Variants in CNTLN observed in about 807,000 individuals in gnomAD.
CNTLN encodes the protein centlein.
In CNTLN, 212 loss-of-function variants were observed where a neutral mutation model predicts 180.0. The observed-to-expected ratio is 1.18, with a 90% CI of 1.05 to 1.32. The LOEUF (loss-of-function observed/expected upper bound fraction) is 1.32, where lower values mean the gene tolerates loss of function less well. Ranked by LOEUF, CNTLN falls within the 40% of genes most tolerant of loss-of-function variation. The pLI, the probability that CNTLN is intolerant of heterozygous loss-of-function variation, is 0.00. For synonymous variants in CNTLN, 722 were observed against 563.1 expected (o/e 1.28, Z -3.99); for missense variants, 2,095 against 1,610.9 (o/e 1.30, Z -5.14).
At chr9:17,244,580 G>A (rs1194400452) in intron 5 of CNTLN, among the ~76,000 whole-genome samples, 1 of 151,962 alleles carries the variant, frequency 6.6e-6, no homozygotes, top group East Asian at 1.9e-4. Flanking sequence ...TATATACGTG[G>A]AGAGTTTGGT....
chr9:17,267,342 T>C lies in CNTLN; in HGVS notation c.850-6391T>C, dbSNP rs1335622803. Among the ~76,000 whole-genome samples, 3 of 152,186 alleles carry C rather than the reference T, an allele frequency of 2.0e-5. No individual in the cohort carries two copies. The East Asian group carries it at 5.8e-4, about 29-fold the overall frequency. On this transcript the variant is annotated intron_variant, in intron 5 of 25. Transcript: ENST00000380647. ...TGAAATTCTGGGTTGAAAATTATTT[T>C]TTTTAAGAATGTTGAATATAGGCCC...
chr9:17,209,672 G>C (rs928934448), intron 2 of CNTLN, among the ~76,000 whole-genome samples: 12 of 152,108 alleles, frequency 7.9e-5, no homozygotes, highest in Non-Finnish European at 1.3e-4. Flanking sequence ...TGTATAATGA[G>C]CTTGTCTCTT....
At position 17,304,514 on chromosome 9, in the gene CNTLN, G is replaced by C. The variant is rs560725777; in HGVS notation, c.1147-4544G>C. The stretch of plus-strand genomic sequence containing the variant: ...CAATATTACTCAAACTATTAACTAG[G>C]AAAATAAGGAGTTAGCATATTAAAT... On this transcript the variant is annotated intron_variant, in intron 7 of 25. Coordinates refer to ENST00000380647, the MANE Select transcript of CNTLN (RefSeq NM_017738.4). Among the ~76,000 whole-genome samples the C allele has an allele frequency of 1.1e-4, 17 of 152,094 alleles. No homozygotes were observed. In the East Asian group the frequency reaches 2.3e-3, roughly 21 times the overall value.
At chr9:17,495,006 G>T in intron 25 of CNTLN, 1 of 435,382 alleles carries the variant, frequency 2.3e-6, no homozygotes, top group Non-Finnish European at 4.5e-6. Context: ...AGCCTCCTGA[G>T]TAGCTGGGAC....
At chr9:17,446,562 A>G (rs1002416137) in intron 18 of CNTLN, among the ~76,000 whole-genome samples, 2 of 152,270 alleles carry the variant, frequency 1.3e-5, no homozygotes, top group South Asian at 4.1e-4. Flanking sequence ...GTTTATATTC[A>G]TACTTTTCAG....
At chr9:17,333,701 A>G (rs1820794467) in intron 10 of CNTLN, among the ~76,000 whole-genome samples, 5 of 151,584 alleles carry the variant, frequency 3.3e-5, no homozygotes, top group Admixed American at 2.6e-4. Flanking sequence ...ATTCAGAGTT[A>G]AACTGCTCTA....
In CNTLN at chr9:17,470,020, A is replaced by G. The variant is rs1831969800; in HGVS notation, c.3855+3129A>G. On this transcript the variant is annotated intron_variant, in intron 23 of 25. Transcript: ENST00000380647. Reference sequence around the variant, plus strand: ...TCAACTATTATTATCAGTAGTAGTAATAGCAGTAGTAGTATGGCTCTGACT... The same window carrying G: ...TCAACTATTATTATCAGTAGTAGTAGTAGCAGTAGTAGTATGGCTCTGACT... Among the ~76,000 whole-genome samples, 5 of 152,064 alleles carry G rather than the reference A, an allele frequency of 3.3e-5. No individual in the cohort carries two copies. In the South Asian group the frequency reaches 1.0e-3, roughly 31 times the overall value.
intron 19 of CNTLN, among the ~76,000 whole-genome samples, chr9:17,461,079 T>G (rs1831417547): frequency 1.3e-5 from 2 of 151,574 alleles, no homozygotes; most frequent in South Asian, 4.1e-4. Flanking sequence ...AAGTAGACGT[T>G]TATATCACAG....
chr9:17,452,973 A>C (rs930191771), intron 18 of CNTLN, among the ~76,000 whole-genome samples: 21 of 152,210 alleles, frequency 1.4e-4, no homozygotes, highest in African/African-American at 5.1e-4. Flanking sequence ...TCTAGCATAG[A>C]AAATGGAACA....
chr9:17,257,906 A>T, intron 5 of CNTLN, among the ~76,000 whole-genome samples: 1 of 135,112 alleles, frequency 7.4e-6, no homozygotes, highest in South Asian at 2.7e-4. Flanking sequence ...GGTTGCAAAA[A>T]TTTTCTCCCA....
the CNTLN span, among the ~76,000 whole-genome samples, chr9:17,512,793 G>A: frequency 1.3e-5 from 2 of 152,106 alleles, no homozygotes; most frequent in African/African-American, 2.4e-5. Context: ...GAGACACACA[G>A]GACTTTTATA....
At chr9:17,355,795 T>G (rs1403178700) in intron 12 of CNTLN, among the ~76,000 whole-genome samples, 1 of 152,196 alleles carries the variant, frequency 6.6e-6, no homozygotes, top group Non-Finnish European at 1.5e-5. Flanking sequence ...CTGGGCGCAG[T>G]GGCTCACGCC....
chr9:17,379,396 C>G (rs566544440), intron 13 of CNTLN, among the ~76,000 whole-genome samples: 11 of 150,970 alleles, frequency 7.3e-5, no homozygotes, highest in African/African-American at 2.0e-4. Flanking sequence ...CTCTATGACA[C>G]TTTGCCCTGC....
At chr9:17,240,611 T>C (rs1196311570) in intron 5 of CNTLN, among the ~76,000 whole-genome samples, 3 of 152,220 alleles carry the variant, frequency 2.0e-5, no homozygotes, top group African/African-American at 7.2e-5. Flanking sequence ...AATTAGATTT[T>C]TTTTTCACAT....
intron 8 of CNTLN, among the ~76,000 whole-genome samples, chr9:17,312,888 A>T (rs10810749): frequency 0.56 from 84,595 of 151,888 alleles, 24,283 homozygotes; most frequent in East Asian, 0.73. Context: ...GATTGTGTTT[A>T]GTTTTTCTAT....
intron 12 of CNTLN, among the ~76,000 whole-genome samples, chr9:17,352,416 A>ATATATAT (rs1469636947): frequency 6.4e-5 from 2 of 31,304 alleles, no homozygotes; most frequent in East Asian, 9.2e-4. Context: ...ATATATATAT[A>ATATATAT]TTTTTTTTTT....
chr9:17,356,349 A>G (rs1203388937), intron 12 of CNTLN, among the ~76,000 whole-genome samples: 1 of 152,196 alleles, frequency 6.6e-6, no homozygotes, highest in Non-Finnish European at 1.5e-5. Flanking sequence ...AATTATCCCT[A>G]GGTAAGAGTG....
intron 12 of CNTLN, among the ~76,000 whole-genome samples, chr9:17,345,271 T>G (rs1487955746): frequency 6.6e-6 from 1 of 152,154 alleles, no homozygotes; most frequent in Non-Finnish European, 1.5e-5. Flanking sequence ...ACCTGTGTCT[T>G]TTGAATGGCA....
intron 8 of CNTLN, among the ~76,000 whole-genome samples, chr9:17,312,386 T>TATATTATATATATATA (rs1164263351): frequency 1.6e-5 from 2 of 123,338 alleles, no homozygotes; most frequent in African/African-American, 6.1e-5. Context: ...ATATATATAA[T>TATATTATATATATATA]TTATTTATTT....
Sources: gnomAD v4.1 joint callset for allele counts (sites outside exome capture counted in the v4.1 genomes callset) on GRCh38, gnomAD v4.1.1 for gene constraint, MANE v1.5 for transcripts, NCBI Gene and HGNC (gene_info 2026-07-23, HGNC 2026-07-21) for gene names.